The following BBS9 variants were observed in gnomAD, a reference collection of about 807,000 sequenced individuals.
The protein encoded by BBS9 is protein PTHB1.
A neutral mutation model predicts 117.7 loss-of-function variants in BBS9; 89 were observed. The observed-to-expected ratio is 0.76, with a 90% confidence interval of 0.64 to 0.90. The LOEUF is 0.90. BBS9 is among the 40% of genes least tolerant of loss of function. BBS9 has a pLI of 0.00. For synonymous variants in BBS9, 379 were observed against 370.9 expected, an observed-to-expected ratio of 1.02 and a Z score of -0.25; for missense variants, 982 against 1,042.2, an observed-to-expected ratio of 0.94 and a Z score of 0.80.
chr7:33,222,764 T>C (rs73097241), intron 5 of BBS9, among the ~76,000 whole-genome samples: 15,506 of 151,606 alleles, frequency 0.1, 1,130 homozygotes, highest in Non-Finnish European at 0.16. Context: ...CCTGCCAAAA[T>C]TGGTTAAACC....
At chr7:33,196,906 C>T (rs944343098) in intron 5 of BBS9, among the ~76,000 whole-genome samples, 4 of 151,994 alleles carry the variant, frequency 2.6e-5, no homozygotes, top group African/African-American at 4.8e-5. Context: ...CCCTTAGTTC[C>T]TGGGGGAAGG....
chr7:33,526,079 C>T (rs1423415815), intron 20 of BBS9, among the ~76,000 whole-genome samples: 4 of 151,370 alleles, frequency 2.6e-5, no homozygotes, highest in Non-Finnish European at 5.9e-5. Context: ...TATTGGCCTC[C>T]ACTCTCTTCT....
chr7:33,273,329 T>G lies in BBS9; in HGVS notation c.886+134T>G, dbSNP rs1800167574. 7.2e-6 allele frequency: 7 copies of G among 973,634 alleles called. No homozygotes were observed. The East Asian group carries it at 1.8e-4, about 25-fold the overall frequency. The allele number at this position is 973,634 out of a possible 1,614,324, so 60.3% of individuals were successfully genotyped here. On this transcript the variant is annotated intron_variant, in intron 8 of 22. Coordinates refer to ENST00000242067, the MANE Select transcript of BBS9 (RefSeq NM_198428.3). ...AATATTGAATATGTAATGGAAATTT[T>G]AACTTTCAAAGTTTGAATGGAAGTT...
intron 20 of BBS9, among the ~76,000 whole-genome samples, chr7:33,510,534 A>G (rs1291904873): frequency 6.6e-6 from 1 of 152,038 alleles, no homozygotes; most frequent in Non-Finnish European, 1.5e-5. Context: ...AGCACATACT[A>G]TGTCTTAGGC....
intron 21 of BBS9, among the ~76,000 whole-genome samples, chr7:33,581,097 A>T (rs2598393): frequency 0.033 from 2,555 of 78,400 alleles, 34 homozygotes; most frequent in African/African-American, 0.11. Context: ...TGTGTGTGTG[A>T]GAGAGAGAGA....
At chr7:33,534,241 G>C (rs368716225) in intron 21 of BBS9, 65 bp downstream of exon 21, 5 of 1,516,014 alleles carry the variant, frequency 3.3e-6, no homozygotes, top group East Asian at 2.3e-5. Context: ...GAATGTGCCT[G>C]TGGTTGTATT....
rs150799199 is a variant in BBS9 at position 33,299,781 on chromosome 7, T to C, written c.1016+25825T>C. 1.7e-4 allele frequency among the ~76,000 whole-genome samples: 26 copies of C among 152,184 alleles called. No homozygotes were observed. In the East Asian group the frequency reaches 4.8e-3, roughly 28 times the overall value. ...GCAGGTACTACTAGTATTTTTTTATTTTACAGATGAGATAAGAGACGCTTA... is the reference window on the plus strand; with the variant it reads ...GCAGGTACTACTAGTATTTTTTTATCTTACAGATGAGATAAGAGACGCTTA... On this transcript the variant is annotated intron_variant, in intron 9 of 22. Transcript: ENST00000242067.
At chr7:33,560,691 A>G (rs1855960371) in intron 21 of BBS9, among the ~76,000 whole-genome samples, 1 of 152,192 alleles carries the variant, frequency 6.6e-6, no homozygotes, top group South Asian at 2.1e-4. Flanking sequence ...GTCTCCATTC[A>G]AATACTCCAG....
At chr7:33,184,216 T>C (rs1250561240) in intron 5 of BBS9, among the ~76,000 whole-genome samples, 1 of 151,980 alleles carries the variant, frequency 6.6e-6, no homozygotes, top group Non-Finnish European at 1.5e-5. Flanking sequence ...GACCCACCAT[T>C]GCAGTGACAC....
intron 9 of BBS9, among the ~76,000 whole-genome samples, chr7:33,296,904 G>T (rs1805392428): frequency 6.6e-6 from 1 of 152,124 alleles, no homozygotes; most frequent in South Asian, 2.1e-4. Flanking sequence ...AACAGAAAAA[G>T]AAAAGGTTTA....
At chr7:33,612,186 G>A (rs1315804393) in intron 21 of BBS9, among the ~76,000 whole-genome samples, 1 of 151,838 alleles carries the variant, frequency 6.6e-6, no homozygotes, top group Non-Finnish European at 1.5e-5. Context: ...AGTCTTTTGG[G>A]ATAAAAATTA....
intron 21 of BBS9, among the ~76,000 whole-genome samples, chr7:33,601,368 A>G (rs969858675): frequency 2.6e-5 from 4 of 151,884 alleles, no homozygotes; most frequent in Non-Finnish European, 5.9e-5. Context: ...CTTTTATGGG[A>G]TGGACTCTAA....
chr7:33,143,956 G>A (rs1791946998), intron 1 of BBS9, among the ~76,000 whole-genome samples: 1 of 151,794 alleles, frequency 6.6e-6, no homozygotes, highest in South Asian at 2.1e-4. Flanking sequence ...TTGTTGAGTT[G>A]TAGGAGTTCT....
rs1416004100 is a variant in BBS9 at position 33,349,121 on chromosome 7, G to A, written c.1383G>A (p.Val461=). ...AAAAAGCCAAATTATCAGTCTACGT[G>A]CAACCACCATTAGAATTGACTTGTG... is the stretch of plus-strand genomic sequence containing the variant. ...ILQKAKLSVY[V]QPPLELTCDQ... Residue 461 remains valine (V), a synonymous_variant, in exon 13 of 23, where the codon GTG becomes GTA. Coordinates refer to ENST00000242067, the MANE Select transcript of BBS9 (RefSeq NM_198428.3). 1 of 1,613,334 alleles carries A rather than the reference G, an allele frequency of 6.2e-7. No individual in the cohort carries two copies. Among genetic ancestry groups the A allele is most frequent in the Non-Finnish European group, 8.5e-7 (1 of 1,179,602 alleles).
rs201562924 is a variant in BBS9 at position 33,431,207 on chromosome 7, C to CAA, written c.2115+43078_2115+43079dup. ...GTGGAATAAGAGTAAGACCCTGTCT[C>CAA]AAAAAAAAAAAAAAAATGGTACTGG... On this transcript the variant is annotated intron_variant, in intron 19 of 22. Transcript: ENST00000242067. Among the ~76,000 whole-genome samples the CAA allele has an allele frequency of 1.8e-3, 201 of 111,164 alleles. 2 individuals are homozygous for CAA. The highest frequency in any genetic ancestry group is 0.011 in the South Asian group (39 of 3,446). The allele number at this position is 111,164 out of a possible 152,430, so 72.9% of individuals were successfully genotyped here.
intron 21 of BBS9, among the ~76,000 whole-genome samples, chr7:33,559,757 C>T (rs1297552614): frequency 2.0e-5 from 3 of 152,144 alleles, no homozygotes; most frequent in East Asian, 1.9e-4. Flanking sequence ...TTATCTGCCA[C>T]GACTCGTGAG....
chr7:33,328,840 A>G (rs939900194), intron 9 of BBS9, among the ~76,000 whole-genome samples: 1 of 152,076 alleles, frequency 6.6e-6, no homozygotes, highest in Non-Finnish European at 1.5e-5. Flanking sequence ...TTCATGTTAC[A>G]CATTTTATAG....
chr7:33,207,973 T>A (rs772294977), intron 5 of BBS9, among the ~76,000 whole-genome samples: 6 of 151,920 alleles, frequency 3.9e-5, no homozygotes, highest in Non-Finnish European at 5.9e-5. Flanking sequence ...ATGCCTGGCT[T>A]ATTTTTTGTA....
chr7:33,480,129 CAAT>C (rs1218699934), intron 19 of BBS9, among the ~76,000 whole-genome samples: 1 of 152,054 alleles, frequency 6.6e-6, no homozygotes, highest in Non-Finnish European at 1.5e-5. Context: ...AGGAAAGTCT[CAAT>C]AAAGGTTTTA....
Sources: allele counts gnomAD v4.1 joint callset (sites outside exome capture counted in the v4.1 genomes callset), GRCh38; gene constraint gnomAD v4.1.1; transcripts MANE v1.5; gene names NCBI Gene and HGNC (gene_info 2026-07-23, HGNC 2026-07-21).